Variants in EPHB1 observed in about 807,000 individuals in gnomAD.
EPHB1 encodes the protein ephrin type-B receptor 1.
Under a neutral mutation model 94.4 loss-of-function variants are expected in EPHB1, and 30 were observed. That is an observed-to-expected ratio of 0.32 (90% CI 0.24 to 0.43). EPHB1 has a LOEUF of 0.43. Among genes scored for constraint, EPHB1 ranks in the 20% least tolerant of loss-of-function variants. The pLI, the probability that EPHB1 is intolerant of heterozygous loss-of-function variation, is 1.00. For synonymous variants in EPHB1, 522 were observed against 489.1 expected (o/e 1.07, Z -0.89); for missense variants, 1,055 against 1,308.3 (o/e 0.81, Z 2.99).
rs183595802 is a variant in EPHB1, at chr3:135,086,006, T to C, written c.806-20442T>C. Among the ~76,000 whole-genome samples the C allele has an allele frequency of 5.4e-4, 82 of 152,190 alleles. No homozygotes were observed. The East Asian group carries it at 0.015, about 28-fold the overall frequency. ...GGCCTCCCCAGGAGAAAGGCGTCAG[T>C]GTGTGCCTAGAGGAAAGGCCAGGGC... On this transcript the variant is annotated intron_variant, in intron 3 of 15. Transcript: ENST00000398015.
intron 5 of EPHB1, among the ~76,000 whole-genome samples, chr3:135,144,636 C>G (rs1940949700): frequency 6.6e-6 from 1 of 152,182 alleles, no homozygotes; most frequent in Admixed American, 6.5e-5. Flanking sequence ...GCCACCAACC[C>G]TCAACCCCCA....
chr3:135,247,796 T>G (rs1183968096), intron 13 of EPHB1, among the ~76,000 whole-genome samples: 3 of 152,220 alleles, frequency 2.0e-5, no homozygotes, highest in Non-Finnish European at 4.4e-5. Flanking sequence ...CTAGAGGGTC[T>G]CTAGCATGGA....
intron 3 of EPHB1, among the ~76,000 whole-genome samples, chr3:135,064,243 T>C (rs1176963743): frequency 6.6e-6 from 1 of 152,092 alleles, no homozygotes; most frequent in East Asian, 1.9e-4. Flanking sequence ...CTTTTCTATC[T>C]TGTGGAAGGA....
intron 3 of EPHB1, among the ~76,000 whole-genome samples, chr3:134,997,281 T>C (rs16842456): frequency 0.15 from 22,641 of 152,208 alleles, 2,411 homozygotes; most frequent in African/African-American, 0.29. Context: ...CTTATTCAGC[T>C]TGTGAATAGC....
chr3:134,990,760 TA>T (rs1471804664), intron 3 of EPHB1, among the ~76,000 whole-genome samples: 1 of 152,214 alleles, frequency 6.6e-6, no homozygotes, highest in Non-Finnish European at 1.5e-5. Flanking sequence ...TATACTGTAT[TA>T]TTTTTATTGT....
At chr3:134,977,409 CG>C (rs1934231059) in intron 3 of EPHB1, among the ~76,000 whole-genome samples, 1 of 152,210 alleles carries the variant, frequency 6.6e-6, no homozygotes, top group East Asian at 1.9e-4. Flanking sequence ...CAGACTCCCC[CG>C]CAAATACCTG....
chr3:135,248,234 G>T, intron 13 of EPHB1, 82 bp from the exon 14 acceptor site: 1 of 1,322,284 alleles, frequency 7.6e-7, no homozygotes, highest in South Asian at 1.7e-5. Context: ...GATCAGGGAG[G>T]CTCCATATAA....
chr3:134,939,636 G>A (rs1018269500), intron 2 of EPHB1, among the ~76,000 whole-genome samples: 2 of 152,096 alleles, frequency 1.3e-5, no homozygotes, highest in African/African-American at 2.4e-5. Flanking sequence ...CTGTCTACAC[G>A]GGAGCTTTGT....
chr3:134,912,264 C>T (rs1040089815), intron 1 of EPHB1, among the ~76,000 whole-genome samples: 1 of 152,210 alleles, frequency 6.6e-6, no homozygotes, highest in African/African-American at 2.4e-5. Flanking sequence ...ACTCATGTGC[C>T]ATTGGCGCAA....
In EPHB1 at chr3:134,951,591, A is replaced by G. The variant is rs200637902; in HGVS notation, c.344A>G (p.Tyr115Cys). The change falls in exon 3 of 16, where the codon TAT becomes TGT. Residue 115 changes from tyrosine (Y) to cysteine (C), a missense_variant. Physicochemically the swap from Tyr to Cys is radical, Grantham distance 194. Transcript: ENST00000398015. The surrounding 1 kb of genome is among the most constrained non-coding windows in gnomAD (Gnocchi z 4.5). The stretch of plus-strand genomic sequence containing the variant: ...AAGGAGACCTTCAACTTGTATTACT[A>G]TGAGACTGACTCTGTCATTGCCACC... The part of the protein sequence containing the change: ...SCKETFNLYY[Y>C]ETDSVIATKK... 3 of 1,613,982 alleles carry G rather than the reference A, an allele frequency of 1.9e-6. No individual in the cohort carries two copies. Among genetic ancestry groups the G allele is most frequent in the East Asian group, 2.2e-5 (1 of 44,882 alleles).
At chr3:135,240,712 T>C (rs564645589) in intron 12 of EPHB1, among the ~76,000 whole-genome samples, 1 of 152,180 alleles carries the variant, frequency 6.6e-6, no homozygotes, top group Non-Finnish European at 1.5e-5. Flanking sequence ...GCTTCATCAC[T>C]CTTCTTTCCT....
At chr3:134,923,929 T>C (rs1254966440) in intron 1 of EPHB1, among the ~76,000 whole-genome samples, 2 of 152,158 alleles carry the variant, frequency 1.3e-5, no homozygotes, top group Non-Finnish European at 2.9e-5. Flanking sequence ...ATTGTACCCT[T>C]CCCTGTTTGT....
intron 1 of EPHB1, among the ~76,000 whole-genome samples, chr3:134,881,439 A>G (rs2037728737): frequency 6.6e-6 from 1 of 152,128 alleles, no homozygotes; most frequent in African/African-American, 2.4e-5. Context: ...ACTTGAGCGA[A>G]GGTGCCTTAG....
intron 9 of EPHB1, among the ~76,000 whole-genome samples, chr3:135,174,650 A>G (rs1941922899): frequency 6.6e-6 from 1 of 152,206 alleles, no homozygotes; most frequent in Non-Finnish European, 1.5e-5. Flanking sequence ...GCTGGTTTGG[A>G]GTCCTGATTA....
At chr3:135,181,089 CTGCTCTCTTAA>C (rs1242744444) in intron 10 of EPHB1, among the ~76,000 whole-genome samples, 1 of 152,186 alleles carries the variant, frequency 6.6e-6, no homozygotes, top group African/African-American at 2.4e-5. Flanking sequence ...TTTCTGTTCA[CTGCTCTCTTAA>C]TGCACTCAGG....
chr3:135,179,928 T>C lies in EPHB1; in HGVS notation c.1828T>C (p.Phe610Leu), dbSNP rs753499305. Residue 610 changes from phenylalanine to leucine, a missense_variant, in exon 10 of 16, where the codon TTT becomes CTT. Physicochemically the swap from Phe to Leu is conservative, Grantham distance 22 (BLOSUM62 0). Transcript: ENST00000398015. Reference protein sequence around the residue: ...YEDPNEAVREFAKEIDVSFVK... With the variant: ...YEDPNEAVRELAKEIDVSFVK... ...GGATCCCAACGAAGCTGTCCGGGAG[T>C]TTGCCAAGGAGATTGATGTATCTTT... 6.2e-7 allele frequency: 1 copy of C among 1,613,902 alleles called. No individual in the cohort carries two copies.
At chr3:135,150,799 T>A (rs185659911) in intron 5 of EPHB1, among the ~76,000 whole-genome samples, 1 of 152,330 alleles carries the variant, frequency 6.6e-6, no homozygotes, top group Admixed American at 6.5e-5. Flanking sequence ...TCCACATTGG[T>A]CTCCAACATG....
intron 3 of EPHB1, among the ~76,000 whole-genome samples, chr3:134,960,270 T>A (rs925666152): frequency 3.9e-5 from 6 of 152,080 alleles, no homozygotes; most frequent in African/African-American, 1.4e-4. Flanking sequence ...GGAGAAGGAA[T>A]GCACCTCAAA....
chr3:135,087,489 G>T (rs555084640), intron 3 of EPHB1, among the ~76,000 whole-genome samples: 3 of 152,280 alleles, frequency 2.0e-5, no homozygotes, highest in Admixed American at 1.3e-4. Flanking sequence ...ATGAAATCCA[G>T]GTTTCAATGC....
Sources: gnomAD v4.1 joint callset for allele counts (sites outside exome capture counted in the v4.1 genomes callset) on GRCh38, gnomAD v4.1.1 for gene constraint, Gnocchi (gnomAD v3.1) non-coding constraint, MANE v1.5 for transcripts, NCBI Gene and HGNC (gene_info 2026-07-23, HGNC 2026-07-21) for gene names.